The following ARMC3 variants were observed in gnomAD, a reference collection of about 807,000 sequenced individuals.
ARMC3 encodes armadillo repeat containing 3.
A neutral mutation model predicts 90.3 loss-of-function variants in ARMC3; 74 were observed. That is an observed-to-expected ratio of 0.82 (90% CI 0.68 to 0.99). The LOEUF (loss-of-function observed/expected upper bound fraction) is 0.99. Among genes scored for constraint, ARMC3 ranks in the 50% least tolerant of loss-of-function variants. The probability of loss-of-function intolerance (pLI) is 0.00; values close to 1 mark genes in which losing one functional copy is unlikely to be tolerated. For missense variants in ARMC3, 958 were observed against 1,042.8 expected (o/e 0.92, Z 1.12); for synonymous variants, 334 against 361.8 (o/e 0.92, Z 0.87).
chr10:22,928,686 C>G (rs1477742856), intron 1 of ARMC3, among the ~76,000 whole-genome samples: 1 of 152,234 alleles, frequency 6.6e-6, no homozygotes, highest in African/African-American at 2.4e-5. Flanking sequence ...TCTTTCAGCC[C>G]TGTCCATATT....
intron 8 of ARMC3, among the ~76,000 whole-genome samples, chr10:22,975,647 A>C (rs754754305): frequency 1.3e-5 from 2 of 151,978 alleles, no homozygotes; most frequent in Non-Finnish European, 2.9e-5. Flanking sequence ...TGCATATATG[A>C]TTTTTTTGCT....
chr10:22,990,067 A>G (rs1046065379), intron 10 of ARMC3, among the ~76,000 whole-genome samples: 20 of 152,186 alleles, frequency 1.3e-4, no homozygotes, highest in African/African-American at 4.6e-4. Context: ...GCAGAGACTG[A>G]TATTTGCATA....
chr10:22,968,253 G>C (rs1835527020), intron 7 of ARMC3, 53 bp from the exon 8 acceptor site: 1 of 1,517,274 alleles, frequency 6.6e-7, no homozygotes, highest in Admixed American at 1.7e-5. Flanking sequence ...TCAAATTTGG[G>C]AAGTGTACAT....
chr10:22,932,099 A>ACTGTGTGAACAAT, intron 2 of ARMC3, 55 bp downstream of exon 2: 1 of 1,494,308 alleles, frequency 6.7e-7, no homozygotes, highest in Non-Finnish European at 9.1e-7. Context: ...ATAAAAATAA[A>ACTGTGTGAACAAT]TTGTTCACAC....
At chr10:22,975,718 C>T (rs1835892325) in intron 8 of ARMC3, among the ~76,000 whole-genome samples, 1 of 152,076 alleles carries the variant, frequency 6.6e-6, no homozygotes, top group East Asian at 1.9e-4. Context: ...GTCTAAGTCC[C>T]CCTCTCCACT....
chr10:23,028,314 A>T (rs982924285), intron 16 of ARMC3, among the ~76,000 whole-genome samples: 2 of 152,108 alleles, frequency 1.3e-5, no homozygotes, highest in African/African-American at 4.8e-5. Flanking sequence ...CGTATTTCTC[A>T]GTTCCAAAAT....
In ARMC3 at chr10:22,955,935, A is replaced by T; in HGVS notation, c.292+3A>T. The T allele has an allele frequency of 6.3e-7, 1 of 1,591,824 alleles. No individual in the cohort carries two copies. Among genetic ancestry groups the T allele is most frequent in the South Asian group, 1.1e-5 (1 of 89,988 alleles). On this transcript the variant is annotated splice_donor_region_variant and intron_variant, in intron 4 of 18. Coordinates refer to ENST00000298032, the MANE Select transcript of ARMC3 (RefSeq NM_173081.5). The stretch of plus-strand genomic sequence containing the variant: ...ATTTGGAATCCTGGCTTCTAATAGT[A>T]AGTATCAACTTTTAAAAATAATCAA...
At chr10:22,942,672 T>C (rs958748013) in intron 2 of ARMC3, among the ~76,000 whole-genome samples, 1 of 152,162 alleles carries the variant, frequency 6.6e-6, no homozygotes, top group African/African-American at 2.4e-5. Context: ...TTTGGAAAAC[T>C]GTTCGACAGT....
chr10:23,004,286 TGAG>T lies in ARMC3; in HGVS notation c.1731+876_1731+878del, dbSNP rs555774911. ...TACTTCTTCTGGAAACCAAAAGCAA[TGAG>T]GAGAATGGGGAAAATGTTAAAAACC... On this transcript the variant is annotated intron_variant, in intron 13 of 18. Transcript: ENST00000298032. Among the ~76,000 whole-genome samples, 22 of 152,120 alleles carry T rather than the reference TGAG, an allele frequency of 1.4e-4. No homozygotes were observed. In the East Asian group the frequency reaches 3.5e-3, roughly 24 times the overall value.
intron 16 of ARMC3, among the ~76,000 whole-genome samples, chr10:23,020,011 G>A (rs1405274908): frequency 6.6e-6 from 1 of 152,218 alleles, no homozygotes; most frequent in Non-Finnish European, 1.5e-5. Context: ...ATATACCACA[G>A]TATATGTCCA....
chr10:23,023,592 C>A (rs371723566), intron 16 of ARMC3, among the ~76,000 whole-genome samples: 6 of 152,240 alleles, frequency 3.9e-5, no homozygotes, highest in South Asian at 4.1e-4. Flanking sequence ...CAATCCATTA[C>A]AAATTTTCTT....
intron 16 of ARMC3, among the ~76,000 whole-genome samples, chr10:23,025,030 T>G (rs1272752481): frequency 6.6e-6 from 1 of 152,092 alleles, no homozygotes; most frequent in Non-Finnish European, 1.5e-5. Flanking sequence ...ATCAAATGAA[T>G]TAACTTATGA....
In ARMC3 at chr10:23,001,909, C is replaced by T. The variant is rs994474970; in HGVS notation, c.1426-10C>T. 2.5e-6 allele frequency: 4 copies of T among 1,612,052 alleles called. No homozygotes were observed. In the African/African-American group the frequency reaches 5.3e-5, roughly 22 times the overall value. The stretch of plus-strand genomic sequence containing the variant: ...CTCTTAATGTGTAACATTTTGGTTT[C>T]TGCTTTTAGTTAAGAAATTCTGGTG... On this transcript the variant is annotated splice_polypyrimidine_tract_variant and intron_variant, in intron 11 of 18. Coordinates refer to ENST00000298032, the MANE Select transcript of ARMC3 (RefSeq NM_173081.5).
intron 3 of ARMC3, among the ~76,000 whole-genome samples, chr10:22,946,870 C>A (rs545195929): frequency 6.6e-6 from 1 of 152,188 alleles, no homozygotes. Context: ...TCAAAATCAA[C>A]ACCACACATC....
rs188707730 is a variant in ARMC3, at chr10:23,005,034, G to A, written c.1731+1620G>A. Among the ~76,000 whole-genome samples the A allele has an allele frequency of 1.1e-3, 168 of 151,860 alleles. 1 individual carries two copies. Among genetic ancestry groups the A allele is most frequent in the East Asian group, 5.5e-3 (28 of 5,130 alleles). On this transcript the variant is annotated intron_variant, in intron 13 of 18. Transcript: ENST00000298032. ...CGAGACCATCCTGGCTAACACGGTG[G>A]AACCCCATCTCTACTAAATATACAA...
Position 23,001,951 on chromosome 10 carries a change from A to G in ARMC3, c.1458A>G (p.Val486=). 6.2e-7 allele frequency: 1 copy of G among 1,613,944 alleles called. No individual in the cohort carries two copies. Reference sequence around the variant, plus strand: ...ATTCTGGTGGATTGGAGCCCCTGGTAGAGCTGCTACGCTCCAAGAATGATG... The same window carrying G: ...ATTCTGGTGGATTGGAGCCCCTGGTGGAGCTGCTACGCTCCAAGAATGATG... ...LRNSGGLEPL[V]ELLRSKNDEV... The change falls in exon 12 of 19, where the codon GTA becomes GTG. Residue 486 remains valine, a synonymous_variant. Transcript: ENST00000298032.
At chr10:22,942,126 A>G (rs1834347985) in intron 2 of ARMC3, among the ~76,000 whole-genome samples, 1 of 152,216 alleles carries the variant, frequency 6.6e-6, no homozygotes, top group Non-Finnish European at 1.5e-5. Context: ...GCAACTTAAG[A>G]GGGGAATAAG....
At chr10:23,007,684 G>A (rs1837688928) in intron 14 of ARMC3, among the ~76,000 whole-genome samples, 1 of 127,340 alleles carries the variant, frequency 7.9e-6, no homozygotes, top group Non-Finnish European at 1.6e-5. Context: ...TGGCAACAGA[G>A]CAAGACTCCG....
intron 8 of ARMC3, among the ~76,000 whole-genome samples, chr10:22,976,389 C>T (rs1835922491): frequency 1.3e-5 from 2 of 152,234 alleles, no homozygotes; most frequent in South Asian, 4.1e-4. Context: ...GTTGACCTCT[C>T]AACTCCGAAA....
Sources: gnomAD v4.1 joint callset for allele counts (sites outside exome capture counted in the v4.1 genomes callset) on GRCh38, gnomAD v4.1.1 for gene constraint, MANE v1.5 for transcripts, NCBI Gene and HGNC (gene_info 2026-07-23, HGNC 2026-07-21) for gene names.